The following TLL1 variants were observed in gnomAD, a reference collection of about 807,000 sequenced individuals.
TLL1 encodes the protein tolloid like 1.
A neutral mutation model predicts 128.2 loss-of-function variants in TLL1; 49 were observed. The observed-to-expected ratio is 0.38, with a 90% CI of 0.30 to 0.48. The LOEUF is 0.48. Ranked by LOEUF, TLL1 falls within the 20% of genes least tolerant of loss-of-function variation. TLL1 has a pLI of 0.96. For missense variants in TLL1, 1,123 were observed against 1,242.0 expected, an observed-to-expected ratio of 0.90 and a Z score of 1.44; for synonymous variants, 454 against 418.8, an observed-to-expected ratio of 1.08 and a Z score of -1.03.
intron 1 of TLL1, among the ~76,000 whole-genome samples, chr4:165,968,208 T>C (rs1735477043): frequency 6.6e-6 from 1 of 152,306 alleles, no homozygotes; most frequent in Non-Finnish European, 1.5e-5. Context: ...TACATGTCTT[T>C]TTCTTTTACA....
At chr4:165,917,932 G>C (rs543601814) in intron 1 of TLL1, among the ~76,000 whole-genome samples, 1 of 152,148 alleles carries the variant, frequency 6.6e-6, no homozygotes, top group South Asian at 2.1e-4. Context: ...TATCATTAGC[G>C]TAACTTTAAA....
At chr4:165,893,846 A>G (rs535965526) in intron 1 of TLL1, among the ~76,000 whole-genome samples, 1 of 152,130 alleles carries the variant, frequency 6.6e-6, no homozygotes, top group South Asian at 2.1e-4. Context: ...AAAAAGCTAG[A>G]AAAAAATACA....
intron 15 of TLL1, among the ~76,000 whole-genome samples, chr4:166,061,286 C>T (rs1394565174): frequency 6.7e-6 from 1 of 149,940 alleles, no homozygotes; most frequent in Non-Finnish European, 1.5e-5. Flanking sequence ...CGCTCTGTTG[C>T]CCAGGCTGGA....
intron 6 of TLL1, among the ~76,000 whole-genome samples, chr4:166,004,219 G>A (rs905383755): frequency 1.3e-5 from 2 of 152,070 alleles, no homozygotes; most frequent in African/African-American, 4.8e-5. Context: ...CGTGCATAAA[G>A]ATCAGTATAT....
At chr4:165,918,927 G>A (rs1316471071) in intron 1 of TLL1, among the ~76,000 whole-genome samples, 1 of 152,152 alleles carries the variant, frequency 6.6e-6, no homozygotes, top group Admixed American at 6.6e-5. Context: ...TCTGTAAATA[G>A]AGTTCTTCTG....
At chr4:165,990,149 C>T (rs145229722) in intron 2 of TLL1, among the ~76,000 whole-genome samples, 91 of 151,770 alleles carry the variant, frequency 6.0e-4, no homozygotes, top group Non-Finnish European at 1.0e-3. Context: ...TATTTCAGTT[C>T]TCATTTAACA....
chr4:166,070,328 T>G (rs1176198586), intron 16 of TLL1, among the ~76,000 whole-genome samples: 1 of 151,922 alleles, frequency 6.6e-6, no homozygotes, highest in African/African-American at 2.4e-5. Flanking sequence ...TAGTTGGACT[T>G]TATACCTGAA....
intron 1 of TLL1, among the ~76,000 whole-genome samples, chr4:165,950,913 A>C (rs552370513): frequency 6.6e-6 from 1 of 152,222 alleles, no homozygotes; most frequent in Non-Finnish European, 1.5e-5. Context: ...TCAAAGCAAA[A>C]GTCATTTAAG....
At chr4:166,073,035 T>G (rs1317881761) in intron 16 of TLL1, among the ~76,000 whole-genome samples, 80 of 152,114 alleles carry the variant, frequency 5.3e-4, no homozygotes, top group Non-Finnish European at 7.4e-5. Flanking sequence ...AAACCATCAT[T>G]TTATAAACAT....
intron 1 of TLL1, among the ~76,000 whole-genome samples, chr4:165,942,471 T>C (rs547642573): frequency 6.6e-6 from 1 of 152,100 alleles, no homozygotes; most frequent in African/African-American, 2.4e-5. Context: ...ATCTCCATGA[T>C]TGGGTTGAGG....
At chr4:165,973,785 C>G (rs566965709) in intron 1 of TLL1, among the ~76,000 whole-genome samples, 1 of 151,870 alleles carries the variant, frequency 6.6e-6, no homozygotes, top group Non-Finnish European at 1.5e-5. Flanking sequence ...CTTGTCTCAG[C>G]CTTCCAAGCA....
At chr4:165,895,740 G>C (rs533469200) in intron 1 of TLL1, among the ~76,000 whole-genome samples, 6 of 147,940 alleles carry the variant, frequency 4.1e-5, no homozygotes, top group African/African-American at 1.3e-4. Context: ...AGAAGAAAAA[G>C]GTGGGAGGAC....
chr4:165,900,226 C>T (rs1731911301), intron 1 of TLL1, among the ~76,000 whole-genome samples: 2 of 151,954 alleles, frequency 1.3e-5, no homozygotes, highest in African/African-American at 4.8e-5. Context: ...GGCATTTAGC[C>T]TGTTTACATT....
Position 166,005,722 on chromosome 4 carries a change from A to G in TLL1, c.811+2153A>G, listed in dbSNP as rs991336153. On this transcript the variant is annotated intron_variant, in intron 6 of 20. Coordinates refer to ENST00000061240, the MANE Select transcript of TLL1 (RefSeq NM_012464.5). The stretch of plus-strand genomic sequence containing the variant: ...GAGAACTTTGCTGTTACCAAGAATT[A>G]TTCGTGTTTTTTATTTGCCAAACAT... Among the ~76,000 whole-genome samples the G allele has an allele frequency of 2.7e-5, 4 of 150,728 alleles. No individual in the cohort carries two copies. In the Admixed American group the frequency reaches 2.7e-4, roughly 10 times the overall value.
Position 166,026,501 on chromosome 4 carries a change from A to C in TLL1, c.1158+1070A>C, listed in dbSNP as rs528746710. ...TAGGAGTTTGAGACCAGCCTGGCCAACATGGTGAAGCCCCATCTCTACAAA... is the reference window on the plus strand; with the variant it reads ...TAGGAGTTTGAGACCAGCCTGGCCACCATGGTGAAGCCCCATCTCTACAAA... On this transcript the variant is annotated intron_variant, in intron 9 of 20. Coordinates refer to ENST00000061240, the MANE Select transcript of TLL1 (RefSeq NM_012464.5). 3.3e-5 allele frequency among the ~76,000 whole-genome samples: 5 copies of C among 152,316 alleles called. No homozygotes were observed. In the South Asian group the frequency reaches 6.2e-4, roughly 19 times the overall value.
At position 166,060,274 on chromosome 4, in the gene TLL1, A is replaced by T. The variant is rs111794207; in HGVS notation, c.2007+86A>T. The T allele has an allele frequency of 4.0e-4, 540 of 1,366,188 alleles. No homozygotes were observed. The African/African-American group carries it at 6.3e-3, about 16-fold the overall frequency. 84.6% of individuals were successfully genotyped at this position (1,366,188 alleles called of 1,614,324 possible). On this transcript the variant is annotated intron_variant, in intron 15 of 20. Transcript: ENST00000061240. ...GTGAAATTAAAAAAAAAAAAGATGT[A>T]GTAAAATAGTATAGACATTGTATTC...
intron 9 of TLL1, 95 bp downstream of exon 9, chr4:166,025,526 T>C: frequency 9.7e-7 from 1 of 1,025,888 alleles, no homozygotes; most frequent in Non-Finnish European, 1.5e-6. Flanking sequence ...TTTATTCTTG[T>C]TTGAGTTTTC....
At chr4:165,993,627 G>A (rs1288042469) in intron 3 of TLL1, among the ~76,000 whole-genome samples, 3 of 151,950 alleles carry the variant, frequency 2.0e-5, no homozygotes, top group African/African-American at 4.8e-5. Context: ...CCAGTGGCAG[G>A]ATATTCATAT....
intron 18 of TLL1, among the ~76,000 whole-genome samples, chr4:166,083,815 T>C (rs1356808676): frequency 6.6e-6 from 1 of 152,188 alleles, no homozygotes; most frequent in African/African-American, 2.4e-5. Flanking sequence ...TCATTCCGTA[T>C]CTTGGCTATT....
Sources: allele counts gnomAD v4.1 joint callset (sites outside exome capture counted in the v4.1 genomes callset), GRCh38; gene constraint gnomAD v4.1.1; transcripts MANE v1.5; gene names NCBI Gene and HGNC (gene_info 2026-07-23, HGNC 2026-07-21).